POMP: variants seen among roughly 807,000 people sequenced by gnomAD.
The protein encoded by POMP is 2510048O06Rik.
Under a neutral mutation model 20.6 loss-of-function variants are expected in POMP, and 12 were observed. The ratio of observed to expected loss-of-function variants is 0.58; its 90% CI spans 0.37 to 0.94. The LOEUF (loss-of-function observed/expected upper bound fraction) is 0.94. Among genes scored for constraint, POMP ranks in the 40% least tolerant of loss-of-function variants. The pLI is 0.01. For synonymous variants in POMP, 53 were observed against 55.0 expected (o/e 0.96, Z 0.16); for missense variants, 136 against 161.1 (o/e 0.84, Z 0.84).
chr13:28,671,976 G>A (rs2137797723), intron 4 of POMP, among the ~76,000 whole-genome samples: 1 of 152,238 alleles, frequency 6.6e-6, no homozygotes, highest in African/African-American at 2.4e-5. Flanking sequence ...AACCTATTGA[G>A]TTGGACTTTC....
At chr13:28,669,363 T>C (rs1884502992) in intron 4 of POMP, among the ~76,000 whole-genome samples, 1 of 152,118 alleles carries the variant, frequency 6.6e-6, no homozygotes, top group African/African-American at 2.4e-5. Flanking sequence ...TTCCCTTGGC[T>C]TTTATGTTTT....
rs778680440 is a variant in POMP at position 28,659,156 on chromosome 13, C to T, written c.-29C>T. On this transcript the variant is annotated 5_prime_UTR_variant, in exon 1 of 6. Coordinates refer to ENST00000380842, the MANE Select transcript of POMP (RefSeq NM_015932.6). ...GCGGGGTCGACTGACGGTAACGGGG[C>T]AGAGAGGCTGTTCGCAGAGCTGCGG... 1.1e-5 allele frequency: 17 copies of T among 1,580,748 alleles called. No homozygotes were observed. The highest frequency in any genetic ancestry group is 4.7e-5 in the East Asian group (2 of 42,414).
At chr13:28,662,939 A>G (rs1771199) in intron 2 of POMP, among the ~76,000 whole-genome samples, 6,764 of 152,284 alleles carry the variant, frequency 0.044, 506 homozygotes, top group African/African-American at 0.15. Flanking sequence ...GCCTTTGGAC[A>G]AATCACATAA....
intron 3 of POMP, among the ~76,000 whole-genome samples, chr13:28,666,652 T>G (rs2137793693): frequency 6.6e-6 from 1 of 152,358 alleles, no homozygotes; most frequent in South Asian, 2.1e-4. Context: ...CTAAGTAAAC[T>G]TGGGGCATAT....
intron 1 of POMP, 77 bp downstream of exon 1, chr13:28,659,264 C>A (rs556815417): frequency 1.9e-6 from 3 of 1,547,386 alleles, no homozygotes; most frequent in Admixed American, 3.9e-5. Context: ...AGTCGCCTCC[C>A]AACCCGTCCC....
chr13:28,666,233 C>G (rs918234782), intron 3 of POMP, among the ~76,000 whole-genome samples: 3 of 152,108 alleles, frequency 2.0e-5, no homozygotes, highest in Non-Finnish European at 2.9e-5. Context: ...CTCTGTAAAA[C>G]TTGACTATTT....
At chr13:28,677,372 G>A (rs1002070079) in intron 5 of POMP, among the ~76,000 whole-genome samples, 1 of 152,070 alleles carries the variant, frequency 6.6e-6, no homozygotes, top group Non-Finnish European at 1.5e-5. Context: ...GTGATTTTAC[G>A]ATTTAGTTCA....
chr13:28,668,219 A>T (rs1039148119), intron 3 of POMP, among the ~76,000 whole-genome samples: 3 of 152,352 alleles, frequency 2.0e-5, no homozygotes, highest in African/African-American at 7.2e-5. Context: ...TAGGAGACAC[A>T]TTCCTTTACT....
In POMP at chr13:28,659,290, C is replaced by T; in HGVS notation, c.3+103C>T. Reference sequence around the variant, plus strand: ...AACCCGTCCCCGGTGGCGGCGGCGGCGGCAGCGTGGGGCTGAGGCCGGCCT... The same window carrying T: ...AACCCGTCCCCGGTGGCGGCGGCGGTGGCAGCGTGGGGCTGAGGCCGGCCT... On this transcript the variant is annotated intron_variant, in intron 1 of 5. Coordinates refer to ENST00000380842, the MANE Select transcript of POMP (RefSeq NM_015932.6). 3.3e-6 allele frequency: 5 copies of T among 1,525,580 alleles called. No homozygotes were observed. The South Asian group carries it at 4.8e-5, about 15-fold the overall frequency. The allele number at this position is 1,525,580 out of a possible 1,614,324, so 94.5% of individuals were successfully genotyped here.
intron 3 of POMP, among the ~76,000 whole-genome samples, chr13:28,665,694 G>A (rs1792095): frequency 0.47 from 71,523 of 152,034 alleles, 18,501 homozygotes; most frequent in African/African-American, 0.69. Flanking sequence ...CATTTAATAG[G>A]GTAAGCAGTG....
At chr13:28,659,269 C>A in intron 1 of POMP, 82 bp downstream of exon 1, 2 of 1,544,638 alleles carry the variant, frequency 1.3e-6, no homozygotes, top group South Asian at 2.4e-5. Context: ...CCTCCCAACC[C>A]GTCCCCGGTG....
chr13:28,666,215 G>A (rs1472636464), intron 3 of POMP, among the ~76,000 whole-genome samples: 1 of 152,156 alleles, frequency 6.6e-6, no homozygotes, highest in South Asian at 2.1e-4. Flanking sequence ...GCAGGGTAAA[G>A]TGACTTGCTC....
Position 28,678,354 on chromosome 13 carries a change from C to T in POMP, c.*252C>T, listed in dbSNP as rs1168904957. 4.5e-6 allele frequency: 2 copies of T among 447,946 alleles called. No homozygotes were observed. The highest frequency in any genetic ancestry group is 4.0e-5 in the African/African-American group (2 of 50,288). 27.7% of individuals were successfully genotyped at this position (447,946 alleles called of 1,614,324 possible). A position where few individuals can be genotyped will look rare whatever the true frequency, so the allele number is the denominator to read the frequency against. The stretch of plus-strand genomic sequence containing the variant: ...CTTTGTCTTTAAAAAAGTTGTTGCT[C>T]ATGAATATTATAAAATGATCTACAG... On this transcript the variant is annotated 3_prime_UTR_variant, in exon 6 of 6. Coordinates refer to ENST00000380842, the MANE Select transcript of POMP (RefSeq NM_015932.6).
At position 28,678,096 on chromosome 13, in the gene POMP, A is replaced by G. The variant is rs371323677; in HGVS notation, c.420A>G (p.Leu140=). The G allele has an allele frequency of 1.2e-6, 2 of 1,613,650 alleles. No homozygotes were observed. Among genetic ancestry groups the G allele is most frequent in the African/African-American group, 1.3e-5 (1 of 74,916 alleles). Residue 140 remains leucine, a synonymous_variant, in exon 6 of 6, where the codon TTA becomes TTG. Transcript: ENST00000380842. ...PHLMVEYKLG[L]L The stretch of plus-strand genomic sequence containing the variant: ...TGATGGTGGAATATAAACTTGGTTT[A>G]CTGTAATAGTGTGCTGTTCATGGAA...
chr13:28,674,400 C>G (rs952168815), intron 5 of POMP, among the ~76,000 whole-genome samples: 17 of 152,172 alleles, frequency 1.1e-4, no homozygotes, highest in African/African-American at 2.7e-4. Context: ...GGCAGTAAAC[C>G]TGCCTGTCCT....
intron 3 of POMP, 84 bp downstream of exon 3, chr13:28,664,653 T>G (rs1358836910): frequency 1.1e-6 from 1 of 871,292 alleles, no homozygotes; most frequent in East Asian, 2.7e-5. Context: ...TTAAAACAAT[T>G]TTGGTACTGA....
rs1295031610 is a variant in POMP at position 28,678,103 on chromosome 13, T to C, written c.*1T>C. 1.9e-6 allele frequency: 3 copies of C among 1,613,122 alleles called. No homozygotes were observed. Among genetic ancestry groups the C allele is most frequent in the East Asian group, 4.5e-5 (2 of 44,886 alleles). ...GGAATATAAACTTGGTTTACTGTAA[T>C]AGTGTGCTGTTCATGGAAACCGAGG... On this transcript the variant is annotated 3_prime_UTR_variant, in exon 6 of 6. Transcript: ENST00000380842.
At position 28,668,482 on chromosome 13, in the gene POMP, A is replaced by C. The variant is rs1038684742; in HGVS notation, c.172A>C (p.Asn58His). The change falls in exon 4 of 6, where the codon AAC becomes CAC. Residue 58 changes from asparagine (N) to histidine (H), a missense_variant. Transcript: ENST00000380842. ...ACATTGTCTTTTGTAGTTCCAGCTC[A>C]ACCAAGATAAAATGAATTTTTCCAC... ...LELSEKNFQL[N>H]QDKMNFSTLR... The C allele has an allele frequency of 6.2e-7, 1 of 1,606,128 alleles. No individual in the cohort carries two copies. The highest frequency in any genetic ancestry group is 1.3e-5 in the African/African-American group (1 of 74,860).
At chr13:28,674,855 A>C (rs1043767827) in intron 5 of POMP, among the ~76,000 whole-genome samples, 1 of 152,032 alleles carries the variant, frequency 6.6e-6, no homozygotes, top group African/African-American at 2.4e-5. Context: ...CCTGGGTAAG[A>C]TGAGACCCTG....
Sources: allele counts gnomAD v4.1 joint callset (sites outside exome capture counted in the v4.1 genomes callset), GRCh38; gene constraint gnomAD v4.1.1; transcripts MANE v1.5; gene names NCBI Gene and HGNC (gene_info 2026-07-23, HGNC 2026-07-21).